CHFR: variants seen among roughly 807,000 people sequenced by gnomAD.
The protein encoded by CHFR is checkpoint with forkhead and ring finger domains.
In CHFR, 57 loss-of-function variants were observed where a neutral mutation model predicts 87.6. That is an observed-to-expected ratio of 0.65 (90% CI 0.53 to 0.81). CHFR has a LOEUF of 0.81. Ranked by LOEUF, CHFR falls within the 30% of genes least tolerant of loss-of-function variation. The pLI, the probability that CHFR is intolerant of heterozygous loss-of-function variation, is 0.00. For missense variants in CHFR, 797 were observed against 865.8 expected (o/e 0.92, Z 1.00); for synonymous variants, 381 against 359.2 (o/e 1.06, Z -0.69).
intron 11 of CHFR, among the ~76,000 whole-genome samples, chr12:132,852,229 C>T (rs2136947162): frequency 6.6e-6 from 1 of 151,792 alleles, no homozygotes; most frequent in East Asian, 1.9e-4. Context: ...ACCTTGTGAT[C>T]CGCCCGCCTC....
chr12:132,847,515 G>T, intron 14 of CHFR: 3 of 1,083,970 alleles, frequency 2.8e-6, no homozygotes, highest in Non-Finnish European at 3.4e-6. Flanking sequence ...AAACACACAC[G>T]AGCTGTTGAG....
In CHFR at chr12:132,853,570, C is replaced by T; in HGVS notation, c.1233G>A (p.Gln411=). ...DVDSESSDIS[Q]PYVVCRQCPE... Reference sequence around the variant, plus strand: ...GACACTGCCGGCACACGACGTATGGCTGGCTGCAAGGAAGCACAGGGCCGA... The same window carrying T: ...GACACTGCCGGCACACGACGTATGGTTGGCTGCAAGGAAGCACAGGGCCGA... Residue 411 remains glutamine, a synonymous_variant, in exon 11 of 18, where the codon CAG becomes CAA. Coordinates refer to ENST00000450056, the MANE Select transcript of CHFR (RefSeq NM_001161346.2). 1 of 1,529,172 alleles carries T rather than the reference C, an allele frequency of 6.5e-7. No homozygotes were observed. The highest frequency in any genetic ancestry group is 8.8e-7 in the Non-Finnish European group (1 of 1,141,048). The allele number at this position is 1,529,172 out of a possible 1,614,324, so 94.7% of individuals were successfully genotyped here. A position where few individuals can be genotyped will look rare whatever the true frequency, so the allele number is the denominator to read the frequency against.
At chr12:132,878,179 G>A (rs778046021) in intron 2 of CHFR, among the ~76,000 whole-genome samples, 1 of 152,032 alleles carries the variant, frequency 6.6e-6, no homozygotes, top group Non-Finnish European at 1.5e-5. Context: ...CTCTTAAATG[G>A]CAATTTTACA....
chr12:132,841,969 A>C (rs2051855339), intron 17 of CHFR, among the ~76,000 whole-genome samples: 1 of 152,018 alleles, frequency 6.6e-6, no homozygotes, highest in African/African-American at 2.4e-5. Context: ...AATTAGCCTG[A>C]TGTGGTGGCG....
intron 6 of CHFR, chr12:132,867,775 C>A (rs558346825): frequency 3.9e-5 from 6 of 152,044 alleles, no homozygotes; most frequent in Non-Finnish European, 7.3e-5. Flanking sequence ...CCAGACGACA[C>A]GAAGAAAGCC....
intron 3 of CHFR, among the ~76,000 whole-genome samples, chr12:132,875,630 G>C (rs1223101208): frequency 6.6e-6 from 1 of 151,992 alleles, no homozygotes; most frequent in African/African-American, 2.4e-5. Context: ...TCTCAAAAAA[G>C]AGAAAAAAAG....
intron 2 of CHFR, among the ~76,000 whole-genome samples, chr12:132,886,199 C>A (rs1255213397): frequency 6.6e-6 from 1 of 152,102 alleles, no homozygotes; most frequent in Non-Finnish European, 1.5e-5. Context: ...GTAGTCCCAG[C>A]TACTCCGAGG....
At chr12:132,856,999 G>GGA (rs1271423721) in intron 9 of CHFR, among the ~76,000 whole-genome samples, 2 of 144,356 alleles carry the variant, frequency 1.4e-5, no homozygotes, top group African/African-American at 2.6e-5. Flanking sequence ...GGGTGCTGGT[G>GGA]TGGATGCCCT....
Position 132,877,410 on chromosome 12 carries a change from T to A in CHFR, c.233+145A>T, listed in dbSNP as rs1476524018. On this transcript the variant is annotated intron_variant, in intron 3 of 17. Coordinates refer to ENST00000450056, the MANE Select transcript of CHFR (RefSeq NM_001161346.2). ...TCCCTGTTGCTAAGGGACACATGAC[T>A]GTGCTGTTATAAAAATGAGCCGCTG... 2.1e-5 allele frequency: 11 copies of A among 533,648 alleles called. No individual in the cohort carries two copies. The Admixed American group carries it at 3.9e-4, about 19-fold the overall frequency. The allele number at this position is 533,648 out of a possible 1,614,324, so 33.1% of individuals were successfully genotyped here.
intron 6 of CHFR, among the ~76,000 whole-genome samples, chr12:132,862,580 C>T (rs894521054): frequency 2.6e-5 from 4 of 152,146 alleles, no homozygotes; most frequent in Admixed American, 2.0e-4. Flanking sequence ...CCAACCTGCA[C>T]AACAGAGCAA....
Position 132,857,286 on chromosome 12 carries a change from G to A in CHFR, c.1066+119C>T, listed in dbSNP as rs576157654. On this transcript the variant is annotated intron_variant, in intron 9 of 17. Coordinates refer to ENST00000450056, the MANE Select transcript of CHFR (RefSeq NM_001161346.2). ...GACCACCCTCACGTGCCCGGGTGCT[G>A]GTGGAGGGACAGCCCTCACGTGCCC... The A allele has an allele frequency of 5.6e-6, 6 of 1,063,208 alleles. No individual in the cohort carries two copies. In the Admixed American group the frequency reaches 6.1e-5, roughly 11 times the overall value. 65.9% of individuals were successfully genotyped at this position (1,063,208 alleles called of 1,614,324 possible).
intron 12 of CHFR, among the ~76,000 whole-genome samples, chr12:132,850,824 T>C (rs1950922739): frequency 1.3e-5 from 2 of 151,776 alleles, no homozygotes; most frequent in African/African-American, 4.8e-5. Context: ...CCTAACACTT[T>C]CACATATAAG....
At chr12:132,876,869 A>G (rs892103556) in intron 3 of CHFR, among the ~76,000 whole-genome samples, 7 of 152,172 alleles carry the variant, frequency 4.6e-5, no homozygotes, top group Non-Finnish European at 8.8e-5. Flanking sequence ...ATCTCAGCTC[A>G]CCACAATCTC....
intron 11 of CHFR, among the ~76,000 whole-genome samples, chr12:132,852,379 T>C (rs1381664133): frequency 2.0e-5 from 3 of 152,162 alleles, no homozygotes; most frequent in Admixed American, 6.6e-5. Context: ...GTGTTCAATT[T>C]CCGCTCAGGT....
chr12:132,858,519 G>C lies in CHFR; in HGVS notation c.911+549C>G, dbSNP rs369947250. 2.0e-4 allele frequency among the ~76,000 whole-genome samples: 31 copies of C among 152,040 alleles called. 2 individuals are homozygous for C. Among genetic ancestry groups the C allele is most frequent in the East Asian group, 1.7e-3 (9 of 5,146 alleles). On this transcript the variant is annotated intron_variant, in intron 8 of 17. Transcript: ENST00000450056. The stretch of plus-strand genomic sequence containing the variant: ...GTGGGCAGATCACCTGAAGTCAGGA[G>C]TTCAAGACTAGCCTGGCCAACATGG...
Position 132,841,194 on chromosome 12 carries a change from A to G in CHFR, c.*360T>C. On this transcript the variant is annotated 3_prime_UTR_variant, in exon 18 of 18. Coordinates refer to ENST00000450056, the MANE Select transcript of CHFR (RefSeq NM_001161346.2). ...GATAAACTTGCCCTTCTCCCTTGAA[A>G]CTTTTCCTAAAAACAGACTTCTGCT... 4.7e-6 allele frequency: 1 copy of G among 212,404 alleles called. No individual in the cohort carries two copies. Among genetic ancestry groups the G allele is most frequent in the Non-Finnish European group, 9.4e-6 (1 of 106,196 alleles). 13.2% of individuals were successfully genotyped at this position (212,404 alleles called of 1,614,324 possible).
At chr12:132,844,280 C>G (rs1950763291) in intron 15 of CHFR, 146 bp from the exon 16 acceptor site, 1 of 606,994 alleles carries the variant, frequency 1.6e-6, no homozygotes, top group Non-Finnish European at 3.1e-6. Context: ...CAAAGCCAAT[C>G]TAGATACGAA....
chr12:132,859,358 T>A (rs1271406239), intron 7 of CHFR, 131 bp from the exon 8 acceptor site: 1 of 703,004 alleles, frequency 1.4e-6, no homozygotes, highest in African/African-American at 1.9e-5. Flanking sequence ...ACATGCAGTC[T>A]TTTTTTTTTC....
chr12:132,868,391 A>G (rs1481887249), intron 6 of CHFR, among the ~76,000 whole-genome samples: 1 of 152,190 alleles, frequency 6.6e-6, no homozygotes, highest in Non-Finnish European at 1.5e-5. Flanking sequence ...TCAGAGGCTG[A>G]GGCAGGAAAA....
Sources: gnomAD v4.1 joint callset for allele counts (sites outside exome capture counted in the v4.1 genomes callset) on GRCh38, gnomAD v4.1.1 for gene constraint, MANE v1.5 for transcripts, NCBI Gene and HGNC (gene_info 2026-07-23, HGNC 2026-07-21) for gene names.